GPD2: variants seen among roughly 807,000 people sequenced by gnomAD.
GPD2 encodes the protein glycerol-3-phosphate dehydrogenase 2, also known as glycerol-3-phosphate dehydrogenase, mitochondrial.
GPD2 carries 54 observed loss-of-function variants against 82.4 expected under a neutral mutation model. That is an observed-to-expected ratio of 0.66 (90% CI 0.53 to 0.82). The LOEUF (loss-of-function observed/expected upper bound fraction) is 0.82. GPD2 is among the 40% of genes least tolerant of loss of function. The pLI is 0.00. For missense variants in GPD2, 748 were observed against 896.2 expected, an observed-to-expected ratio of 0.83 and a Z score of 2.11; for synonymous variants, 288 against 306.1, an observed-to-expected ratio of 0.94 and a Z score of 0.62.
At chr2:156,404,140 G>A in the GPD2 span, among the ~76,000 whole-genome samples, 1 of 152,022 alleles carries the variant, frequency 6.6e-6, no homozygotes, top group Non-Finnish European at 1.5e-5. Context: ...GGCCGAGACA[G>A]AAGGATCAAC....
chr2:156,510,846 A>G lies in GPD2; in HGVS notation c.325A>G (p.Ser109Gly). 6.2e-7 allele frequency: 1 copy of G among 1,612,862 alleles called. No individual in the cohort carries two copies. Among genetic ancestry groups the G allele is most frequent in the Non-Finnish European group, 8.5e-7 (1 of 1,178,806 alleles). Reference sequence around the variant, plus strand: ...AGATGATTTCTCATCAGGGACCAGCAGCAGAAGCACTAAATTGATCCATGG... The same window carrying G: ...AGATGATTTCTCATCAGGGACCAGCGGCAGAAGCACTAAATTGATCCATGG... ...ERDDFSSGTS[S>G]RSTKLIHGGV... is the part of the protein sequence containing the mutation. Residue 109 changes from serine (S) to glycine (G), a missense_variant, in exon 4 of 17, where the codon AGC (serine) becomes GGC (glycine). Physicochemically the swap from Ser to Gly is moderately conservative, Grantham distance 56. Coordinates refer to ENST00000438166, the MANE Select transcript of GPD2 (RefSeq NM_000408.5).
intron 3 of GPD2, among the ~76,000 whole-genome samples, chr2:156,502,101 T>C (rs974510056): frequency 2.1e-4 from 20 of 97,124 alleles, no homozygotes; most frequent in Admixed American, 7.9e-4. Context: ...TTTATATATA[T>C]GCATGTGTGT....
chr2:156,580,452 G>C (rs1687987145), intron 16 of GPD2, among the ~76,000 whole-genome samples: 1 of 152,090 alleles, frequency 6.6e-6, no homozygotes, highest in Non-Finnish European at 1.5e-5. Context: ...TTTCTTAAAA[G>C]AAATTTCAAC....
chr2:156,535,293 G>C (rs1016223115), intron 6 of GPD2, among the ~76,000 whole-genome samples: 1 of 149,412 alleles, frequency 6.7e-6, no homozygotes. Flanking sequence ...GAGAGAGAAA[G>C]AGAGAGAAAG....
intron 1 of GPD2, among the ~76,000 whole-genome samples, chr2:156,444,860 TCTC>T (rs1316894348): frequency 3.9e-5 from 6 of 152,152 alleles, no homozygotes; most frequent in African/African-American, 1.4e-4. Context: ...ACGCGATTCT[TCTC>T]CTCAACCTCC....
intron 1 of GPD2, 78 bp from the exon 2 acceptor site, chr2:156,476,018 TAC>T (rs1288752971): frequency 2.5e-6 from 2 of 794,566 alleles, no homozygotes; most frequent in African/African-American, 1.7e-5. Context: ...TTTCATAATC[TAC>T]ACAGTGTCTT....
At chr2:156,473,097 T>A (rs1181626122) in intron 1 of GPD2, among the ~76,000 whole-genome samples, 3 of 152,232 alleles carry the variant, frequency 2.0e-5, no homozygotes, top group Non-Finnish European at 4.4e-5. Flanking sequence ...TGAAACTGGC[T>A]GATTCTTGCC....
rs770947790 is a variant in GPD2 at position 156,492,147 on chromosome 2, CTTTTTTTTTTTT to C, written c.103-3883_103-3872del. Among the ~76,000 whole-genome samples, 215 of 75,520 alleles carry C rather than the reference CTTTTTTTTTTTT, an allele frequency of 2.8e-3. 1 individual carries two copies. The highest frequency in any genetic ancestry group is 3.8e-3 in the Non-Finnish European group (164 of 43,096). The allele number at this position is 75,520 out of a possible 152,430, so 49.5% of individuals were successfully genotyped here. A position where few individuals can be genotyped will look rare whatever the true frequency, so the allele number is the denominator to read the frequency against. On this transcript the variant is annotated intron_variant, in intron 2 of 16. Coordinates refer to ENST00000438166, the MANE Select transcript of GPD2 (RefSeq NM_000408.5). The stretch of plus-strand genomic sequence containing the variant: ...CCACCACTTGGTATTCCCTCCCTAC[CTTTTTTTTTTTT>C]TTTTTTTTTTTTTGAGACAGAATAT...
In GPD2 at chr2:156,464,447, G is replaced by A. The variant is rs1683085641; in HGVS notation, c.-8-11651G>A. On this transcript the variant is annotated intron_variant, in intron 1 of 16. Coordinates refer to ENST00000438166, the MANE Select transcript of GPD2 (RefSeq NM_000408.5). Reference sequence around the variant, plus strand: ...ATGTACAGAGGAGTAAATTTTAAATGTAAATTTCAACAGGTTACAGGAGAA... The same window carrying A: ...ATGTACAGAGGAGTAAATTTTAAATATAAATTTCAACAGGTTACAGGAGAA... 2.6e-5 allele frequency among the ~76,000 whole-genome samples: 4 copies of A among 152,100 alleles called. No homozygotes were observed. The South Asian group carries it at 8.3e-4, about 31-fold the overall frequency.
chr2:156,510,950 A>G (rs1684975012), intron 4 of GPD2, 30 bp downstream of exon 4: 4 of 1,607,478 alleles, frequency 2.5e-6, no homozygotes, highest in Non-Finnish European at 3.4e-6. Context: ...GTTAAACAAA[A>G]ATTGCAACTG....
At chr2:156,529,998 G>C (rs1450548436) in intron 6 of GPD2, among the ~76,000 whole-genome samples, 1 of 151,370 alleles carries the variant, frequency 6.6e-6, no homozygotes, top group South Asian at 2.1e-4. Flanking sequence ...AGCTTGATGG[G>C]GATGGCATTG....
intron 2 of GPD2, among the ~76,000 whole-genome samples, chr2:156,492,146 C>A (rs1167506861): frequency 2.3e-5 from 3 of 131,974 alleles, no homozygotes; most frequent in Non-Finnish European, 3.1e-5. Context: ...TCCCTCCCTA[C>A]CTTTTTTTTT....
chr2:156,429,500 G>A, the GPD2 span, among the ~76,000 whole-genome samples: 1 of 152,232 alleles, frequency 6.6e-6, no homozygotes. Context: ...GGGACAAAGT[G>A]GATTCCTGTT....
intron 10 of GPD2, 133 bp downstream of exon 10, chr2:156,569,092 G>C (rs1687506851): frequency 5.1e-6 from 4 of 780,866 alleles, no homozygotes; most frequent in Non-Finnish European, 8.6e-6. Flanking sequence ...GCCTCCCAAA[G>C]TGTTGGGATT....
At chr2:156,506,500 C>G (rs989020209) in intron 3 of GPD2, among the ~76,000 whole-genome samples, 2 of 152,032 alleles carry the variant, frequency 1.3e-5, no homozygotes, top group Admixed American at 1.3e-4. Flanking sequence ...AGTGTTAGCT[C>G]TCACTTAAAT....
chr2:156,449,462 G>T (rs1682475547), intron 1 of GPD2, among the ~76,000 whole-genome samples: 1 of 152,162 alleles, frequency 6.6e-6, no homozygotes, highest in African/African-American at 2.4e-5. Context: ...CAACAAGAGA[G>T]TACTGCTTAA....
At chr2:156,551,724 A>G (rs1478903837) in intron 8 of GPD2, among the ~76,000 whole-genome samples, 1 of 152,210 alleles carries the variant, frequency 6.6e-6, no homozygotes. Context: ...ATAATTATAA[A>G]TACTTTTAAT....
At chr2:156,552,894 CT>C (rs771404828) in intron 8 of GPD2, among the ~76,000 whole-genome samples, 2,968 of 107,364 alleles carry the variant, frequency 0.028, 46 homozygotes, top group African/African-American at 0.078. Flanking sequence ...TTCCTTATAT[CT>C]TTTTTTTTTT....
Position 156,476,173 on chromosome 2 carries a change from G to T in GPD2, c.68G>T (p.Gly23Val), listed in dbSNP as rs372777159. 6.2e-7 allele frequency: 1 copy of T among 1,608,276 alleles called. No homozygotes were observed. ...GGAGGTGCTCTTGCAACTGTTTTAG[G>T]ACTTTCTCAGTTTGCTCATTACAGA... is the stretch of plus-strand genomic sequence containing the variant. Reference protein sequence around the residue: ...VGGGALATVLGLSQFAHYRRK... With the variant: ...VGGGALATVLVLSQFAHYRRK... Residue 23 changes from glycine (G) to valine (V), a missense_variant, in exon 2 of 17, where the codon GGA becomes GTA. Physicochemically the swap from Gly to Val is moderately radical, Grantham distance 109. Transcript: ENST00000438166.
Sources: allele counts gnomAD v4.1 joint callset (sites outside exome capture counted in the v4.1 genomes callset), GRCh38; gene constraint gnomAD v4.1.1; transcripts MANE v1.5; gene names NCBI Gene and HGNC (gene_info 2026-07-23, HGNC 2026-07-21).